KANTR: variants seen among roughly 807,000 people sequenced by gnomAD.
The protein encoded by KANTR is KDM5C adjacent transcript.
intron 1 of KANTR, among the ~76,000 whole-genome samples, chrX:53,098,916 G>A (rs1206536008): frequency 4.5e-5 from 5 of 110,821 alleles, no homozygotes; most frequent in African/African-American, 1.6e-4. Flanking sequence ...GCAAAGGTGG[G>A]GTCTTGTTGT....
downstream of KANTR, among the ~76,000 whole-genome samples, chrX:53,132,198 A>G (rs1369792731): frequency 8.9e-6 from 1 of 111,877 alleles, no homozygotes; most frequent in Admixed American, 9.5e-5. Flanking sequence ...ATTAAATGTA[A>G]TTCCTATAAA....
intron 2 of KANTR, among the ~76,000 whole-genome samples, chrX:53,120,550 T>C (rs1344431129): frequency 1.8e-5 from 2 of 111,196 alleles, no homozygotes; most frequent in Non-Finnish European, 3.8e-5. Flanking sequence ...GGTCTACATA[T>C]CTTGTGTTCG....
chrX:53,102,246 C>T (rs1456506049), intron 2 of KANTR, among the ~76,000 whole-genome samples: 1 of 111,752 alleles, frequency 8.9e-6, no homozygotes, highest in Admixed American at 9.5e-5. Context: ...GTACTCTTAA[C>T]GAAACTACAG....
At chrX:53,131,975 A>G (rs1442117982), downstream of KANTR, among the ~76,000 whole-genome samples, 3 of 112,440 alleles carry the variant, frequency 2.7e-5, no homozygotes, top group Middle Eastern at 4.3e-3. Context: ...GTATATCTAT[A>G]TACTAGCAAT....
Position 53,134,696 on chromosome X carries a change from A to G in KANTR, n.204-7152A>G, listed in dbSNP as rs781809384. Among the ~76,000 whole-genome samples, 12 of 111,803 alleles carry G rather than the reference A, an allele frequency of 1.1e-4. No homozygotes were observed. The East Asian group carries it at 2.5e-3, about 23-fold the overall frequency. ...AATAATCACATTGGAATATCTGCCT[A>G]TGAGGGGGTGGGTGTTGGAAACGGG... On this transcript the variant is annotated intron_variant and non_coding_transcript_variant, in intron 2 of 2. Transcript: ENST00000366185.
At chrX:53,111,106 G>A (rs990271684) in intron 2 of KANTR, among the ~76,000 whole-genome samples, 1 of 108,362 alleles carries the variant, frequency 9.2e-6, no homozygotes, top group Non-Finnish European at 1.9e-5. Flanking sequence ...TCAACCTCCT[G>A]GGCTTAAGCA....
intron 2 of KANTR, among the ~76,000 whole-genome samples, chrX:53,110,646 C>A (rs961376660): frequency 8.9e-6 from 1 of 111,874 alleles, no homozygotes; most frequent in South Asian, 3.7e-4. Flanking sequence ...AGTTTGGGGC[C>A]GGGCGCCGTG....
intron 2 of KANTR, among the ~76,000 whole-genome samples, chrX:53,112,035 C>A (rs1255205473): frequency 9.1e-6 from 1 of 109,994 alleles, no homozygotes; most frequent in Non-Finnish European, 1.9e-5. Context: ...TGGGTAAATT[C>A]TTTAGTGGTG....
At chrX:53,097,350 G>GTTGTTT (rs1932852191) in intron 1 of KANTR, among the ~76,000 whole-genome samples, 3 of 67,978 alleles carry the variant, frequency 4.4e-5, no homozygotes, top group Admixed American at 2.4e-4. Flanking sequence ...TTTGTTTTAA[G>GTTGTTT]TTTTTTTTTT....
At chrX:53,098,050 CAAAAA>C (rs782145330) in intron 1 of KANTR, among the ~76,000 whole-genome samples, 2 of 44,270 alleles carry the variant, frequency 4.5e-5, no homozygotes, top group African/African-American at 1.5e-4. Flanking sequence ...GACTCTGTCT[CAAAAA>C]AAAAAAAAAA....
At chrX:53,132,247 C>T (rs1933368129), downstream of KANTR, among the ~76,000 whole-genome samples, 1 of 111,561 alleles carries the variant, frequency 9.0e-6, no homozygotes, top group Non-Finnish European at 1.9e-5. Context: ...ACAAACTGAT[C>T]CTAAAATTCA....
downstream of KANTR, among the ~76,000 whole-genome samples, chrX:53,128,926 G>C (rs1933323481): frequency 1.8e-5 from 2 of 110,226 alleles, no homozygotes. Flanking sequence ...TACTATTTTT[G>C]TTCCTCCCTT....
chrX:53,102,800 T>C (rs1395712504), intron 2 of KANTR, among the ~76,000 whole-genome samples: 1 of 111,159 alleles, frequency 9.0e-6, no homozygotes, highest in Non-Finnish European at 1.9e-5. Context: ...TGAATTTAGC[T>C]GTGATCTCAC....
At chrX:53,131,760 C>A (rs1556817072), downstream of KANTR, among the ~76,000 whole-genome samples, 8 of 111,823 alleles carry the variant, frequency 7.2e-5, no homozygotes, top group Non-Finnish European at 1.5e-4. Context: ...CAGCATTATA[C>A]TGAAGGTTCT....
intron 2 of KANTR, among the ~76,000 whole-genome samples, chrX:53,114,054 A>G: frequency 9.1e-6 from 1 of 109,428 alleles, no homozygotes; most frequent in Middle Eastern, 4.8e-3. Context: ...ATGTGCCACT[A>G]CATCCAGCTA....
downstream of KANTR, chrX:53,144,017 C>A: frequency 3.9e-5 from 8 of 203,102 alleles, no homozygotes; most frequent in South Asian, 8.8e-5. Flanking sequence ...TAACAATTAG[C>A]CAAATACTGA....
At chrX:53,143,394 G>A (rs1398265546), downstream of KANTR, 28 of 712,501 alleles carry the variant, frequency 3.9e-5, no homozygotes, top group South Asian at 7.2e-5. Flanking sequence ...GCAGGATGGC[G>A]TGGTGGGAGG....
intron 2 of KANTR, among the ~76,000 whole-genome samples, chrX:53,137,065 C>A (rs1933435833): frequency 9.1e-6 from 1 of 109,904 alleles, no homozygotes; most frequent in Admixed American, 9.9e-5. Flanking sequence ...TGATGTTGAA[C>A]CATAACATTC....
intron 2 of KANTR, among the ~76,000 whole-genome samples, chrX:53,134,376 AT>A (rs1308911690): frequency 1.0e-4 from 11 of 109,943 alleles, no homozygotes; most frequent in Non-Finnish European, 1.7e-4. Context: ...AAAAAAAAAA[AT>A]TTTTCCGCAA....
Sources: allele counts gnomAD v4.1 joint callset (sites outside exome capture counted in the v4.1 genomes callset), GRCh38; gene constraint gnomAD v4.1.1; transcripts MANE v1.5; gene names NCBI Gene and HGNC (gene_info 2026-07-23, HGNC 2026-07-21).